Variants in MLLT1 observed in about 807,000 individuals in gnomAD.
The protein encoded by MLLT1 is protein ENL.
A neutral mutation model predicts 55.1 loss-of-function variants in MLLT1; 11 were observed. The observed-to-expected ratio is 0.20, with a 90% CI of 0.13 to 0.33. The LOEUF is 0.33. Ranked by LOEUF, MLLT1 falls within the 10% of genes least tolerant of loss-of-function variation. The probability of loss-of-function intolerance (pLI) is 1.00; values close to 1 mark genes in which losing one functional copy is unlikely to be tolerated. For missense variants in MLLT1, 536 were observed against 760.6 expected (o/e 0.70, Z 3.47); for synonymous variants, 323 against 320.1 (o/e 1.01, Z -0.10).
chr19:6,270,773 A>G lies in MLLT1; in HGVS notation c.13-14T>C. On this transcript the variant is annotated splice_polypyrimidine_tract_variant and intron_variant, in intron 1 of 11. Transcript: ENST00000252674. This position sits in a 1 kb window ranked among gnomAD's most constrained non-coding sequence, Gnocchi z 7.1. ...CTGGACGGTGCACTGGAGGAGAGAG[A>G]GGTGGGGAGATGAAGTCAGCACACG... 1 of 1,589,342 alleles carries G rather than the reference A, an allele frequency of 6.3e-7. No homozygotes were observed. Among genetic ancestry groups the G allele is most frequent in the Non-Finnish European group, 8.6e-7 (1 of 1,164,444 alleles).
In MLLT1 at chr19:6,262,539, C is replaced by T. The variant is rs577430481; in HGVS notation, c.194-229G>A. Among the ~76,000 whole-genome samples, 22 of 152,254 alleles carry T rather than the reference C, an allele frequency of 1.4e-4. No individual in the cohort carries two copies. Among genetic ancestry groups the T allele is most frequent in the African/African-American group, 4.3e-4 (18 of 41,546 alleles). On this transcript the variant is annotated intron_variant, in intron 2 of 11. Transcript: ENST00000252674. The surrounding 1 kb of genome is among the most constrained non-coding windows in gnomAD (Gnocchi z 4.4). ...AAGAGGAGAAAGGAGACTTGGCCAC[C>T]GGCATGGTCAGCAGAGAGTGAGAAG...
rs1043543006 is a variant in MLLT1 at position 6,235,480 on chromosome 19, T to G, written c.277-4767A>C. Among the ~76,000 whole-genome samples the G allele has an allele frequency of 1.3e-5, 2 of 152,184 alleles. No homozygotes were observed. Among genetic ancestry groups the G allele is most frequent in the African/African-American group, 4.8e-5 (2 of 41,454 alleles). ...AGCAGCCTGGGCTAAGAAGGGCACC[T>G]GGGGAGGCGCAGCCAGACGGTACCA... is the stretch of plus-strand genomic sequence containing the variant. On this transcript the variant is annotated intron_variant, in intron 3 of 11. Transcript: ENST00000252674. This position sits in a 1 kb window ranked among gnomAD's most constrained non-coding sequence, Gnocchi z 5.5.
chr19:6,254,541 C>A (rs566160749), intron 3 of MLLT1, among the ~76,000 whole-genome samples: 1 of 152,204 alleles, frequency 6.6e-6, no homozygotes, highest in Non-Finnish European at 1.5e-5. Context: ...TGGGAGCTTG[C>A]GCTAACTCCA....
chr19:6,212,457 C>T lies in MLLT1; in HGVS notation c.*585G>A. On this transcript the variant is annotated 3_prime_UTR_variant, in exon 12 of 12. Coordinates refer to ENST00000252674, the MANE Select transcript of MLLT1 (RefSeq NM_005934.4). The stretch of plus-strand genomic sequence containing the variant: ...CTGCTGCCACAGAAACGCACATGGA[C>T]ACTGCTCTTGACCAGACAGTGCACA... The T allele has an allele frequency of 9.4e-7, 1 of 1,066,380 alleles. No homozygotes were observed. The highest frequency in any genetic ancestry group is 5.3e-5 in the Admixed American group (1 of 18,786). 66.1% of individuals were successfully genotyped at this position (1,066,380 alleles called of 1,614,324 possible).
rs1295129020 is a variant in MLLT1, at chr19:6,211,130, T to C, written c.*1912A>G. 4 of 232,512 alleles carry C rather than the reference T, an allele frequency of 1.7e-5. No individual in the cohort carries two copies. Among genetic ancestry groups the C allele is most frequent in the Non-Finnish European group, 3.4e-5 (4 of 117,620 alleles). 14.4% of individuals were successfully genotyped at this position (232,512 alleles called of 1,614,324 possible). A position where few individuals can be genotyped will look rare whatever the true frequency, so the allele number is the denominator to read the frequency against. On this transcript the variant is annotated 3_prime_UTR_variant, in exon 12 of 12. Coordinates refer to ENST00000252674, the MANE Select transcript of MLLT1 (RefSeq NM_005934.4). This position sits in a 1 kb window ranked among gnomAD's most constrained non-coding sequence, Gnocchi z 4.6. ...TGTCCGTGACCCCGGCGGCCTCTTG[T>C]GCGTAGAGCTCCCAGCAGCACGGGC...
At chr19:6,279,025 G>T (rs1288454247) in intron 1 of MLLT1, among the ~76,000 whole-genome samples, 1 of 152,090 alleles carries the variant, frequency 6.6e-6, no homozygotes, top group Non-Finnish European at 1.5e-5. Flanking sequence ...CTGGGGTTGG[G>T]AGAGAAAGGG....
intron 1 of MLLT1, among the ~76,000 whole-genome samples, chr19:6,272,057 T>C (rs952151167): frequency 1.3e-5 from 2 of 152,186 alleles, no homozygotes; most frequent in African/African-American, 4.8e-5. Flanking sequence ...ATGGAGCCGC[T>C]GGGGCAGGCA....
rs765489758 is a variant in MLLT1 at position 6,222,931 on chromosome 19, T to C, written c.547-247A>G. Among the ~76,000 whole-genome samples, 1 of 152,182 alleles carries C rather than the reference T, an allele frequency of 6.6e-6. No homozygotes were observed. The highest frequency in any genetic ancestry group is 1.5e-5 in the Non-Finnish European group (1 of 68,026). On this transcript the variant is annotated intron_variant, in intron 5 of 11. Coordinates refer to ENST00000252674, the MANE Select transcript of MLLT1 (RefSeq NM_005934.4). This position sits in a 1 kb window ranked among gnomAD's most constrained non-coding sequence, Gnocchi z 4.1. ...CTGCAGGCTAAGATTCCCCTCAGAA[T>C]TGAACTGACATTCCCTGAGGGATTC...
At chr19:6,264,913 A>AT (rs1491562198) in intron 2 of MLLT1, among the ~76,000 whole-genome samples, 1 of 147,166 alleles carries the variant, frequency 6.8e-6, no homozygotes, top group Non-Finnish European at 1.5e-5. Flanking sequence ...AAAAAAAAAA[A>AT]TGAGGATCCC....
intron 5 of MLLT1, among the ~76,000 whole-genome samples, chr19:6,224,025 G>A (rs957712402): frequency 9.9e-5 from 15 of 152,168 alleles, no homozygotes; most frequent in Admixed American, 9.2e-4. Context: ...GGGGGGCCAC[G>A]CTTCACAGAT....
At chr19:6,233,963 C>T (rs1042565897) in intron 3 of MLLT1, among the ~76,000 whole-genome samples, 2 of 152,226 alleles carry the variant, frequency 1.3e-5, no homozygotes, top group Non-Finnish European at 2.9e-5. Context: ...CCTGTCTTCC[C>T]CCGAGGTACG....
Position 6,230,735 on chromosome 19 carries a change from AG to A in MLLT1, c.277-23del, listed in dbSNP as rs772810889. The A allele has an allele frequency of 2.5e-6, 4 of 1,613,346 alleles. No individual in the cohort carries two copies. The South Asian group carries it at 4.4e-5, about 18-fold the overall frequency. ...CCTCCTGAAACAGAGAAAACAAGAA[AG>A]TCTGCATCAGAGGGTGGCCGTGGTG... On this transcript the variant is annotated intron_variant, in intron 3 of 11. Transcript: ENST00000252674. The surrounding 1 kb of genome is among the most constrained non-coding windows in gnomAD (Gnocchi z 9.0).
intron 3 of MLLT1, among the ~76,000 whole-genome samples, chr19:6,239,763 T>C (rs923691201): frequency 6.6e-6 from 1 of 151,520 alleles, no homozygotes; most frequent in African/African-American, 2.4e-5. Flanking sequence ...TATGTACATA[T>C]ACACACCCAC....
chr19:6,228,949 C>T (rs569303026), intron 4 of MLLT1, among the ~76,000 whole-genome samples: 26 of 152,296 alleles, frequency 1.7e-4, no homozygotes, highest in African/African-American at 5.5e-4. Flanking sequence ...GGCCCTTCCT[C>T]CCAGCCTTGC....
Position 6,222,230 on chromosome 19 carries a change from C to T in MLLT1, c.1001G>A (p.Ser334Asn), listed in dbSNP as rs1422013650. The change falls in exon 6 of 12, where the codon AGC becomes AAC. Residue 334 changes from serine to asparagine, a missense_variant. Ser to Asn is a conservative substitution (Grantham distance 46). Coordinates refer to ENST00000252674, the MANE Select transcript of MLLT1 (RefSeq NM_005934.4). This position sits in a 1 kb window ranked among gnomAD's most constrained non-coding sequence, Gnocchi z 4.1. ...CTTCACCTTCTCCCCTCTGGTGCTG[C>T]TCTTGTCCTTGGCCGGCTTCTTGTC... ...FSDKKPAKDK[S>N]STRGEKVKAE... The T allele has an allele frequency of 2.5e-6, 4 of 1,613,364 alleles. No homozygotes were observed. Among genetic ancestry groups the T allele is most frequent in the Non-Finnish European group, 2.5e-6 (3 of 1,179,802 alleles).
intron 3 of MLLT1, among the ~76,000 whole-genome samples, chr19:6,252,568 G>A (rs1452022623): frequency 1.3e-5 from 2 of 152,166 alleles, no homozygotes; most frequent in Non-Finnish European, 2.9e-5. Flanking sequence ...CGAAACATAT[G>A]GAATACAGTG....
chr19:6,230,831 G>A lies in MLLT1; in HGVS notation c.277-118C>T, dbSNP rs1423760651. 10 of 1,303,588 alleles carry A rather than the reference G, an allele frequency of 7.7e-6. No individual in the cohort carries two copies. In the East Asian group the frequency reaches 9.3e-5, roughly 12 times the overall value. 80.8% of individuals were successfully genotyped at this position (1,303,588 alleles called of 1,614,324 possible). On this transcript the variant is annotated intron_variant, in intron 3 of 11. Transcript: ENST00000252674. The surrounding 1 kb of genome is among the most constrained non-coding windows in gnomAD (Gnocchi z 9.0). ...ACTGGGCCTCTGTTCCCCTCCCTCC[G>A]ATTTGCGCCCACTTCTCTCTCAGGG...
Position 6,211,445 on chromosome 19 carries a change from C to T in MLLT1, c.*1597G>A. On this transcript the variant is annotated 3_prime_UTR_variant, in exon 12 of 12. Transcript: ENST00000252674. This position sits in a 1 kb window ranked among gnomAD's most constrained non-coding sequence, Gnocchi z 4.6. The stretch of plus-strand genomic sequence containing the variant: ...GGGGGCAGCCTTGGAGGCATGGGTC[C>T]CCACCAAGGAGTGTTCAGGATCTGC... 3.2e-6 allele frequency: 1 copy of T among 312,284 alleles called. No homozygotes were observed. Among genetic ancestry groups the T allele is most frequent in the Non-Finnish European group, 5.2e-6 (1 of 190,700 alleles). 19.3% of individuals were successfully genotyped at this position (312,284 alleles called of 1,614,324 possible).
intron 3 of MLLT1, among the ~76,000 whole-genome samples, chr19:6,260,250 C>T (rs1003051538): frequency 2.6e-5 from 4 of 152,142 alleles, no homozygotes; most frequent in African/African-American, 4.8e-5. Flanking sequence ...AAAGGGCCCC[C>T]GGCTCCCTTT....
Sources: gnomAD v4.1 joint callset for allele counts (sites outside exome capture counted in the v4.1 genomes callset) on GRCh38, gnomAD v4.1.1 for gene constraint, Gnocchi (gnomAD v3.1) non-coding constraint, MANE v1.5 for transcripts, NCBI Gene and HGNC (gene_info 2026-07-23, HGNC 2026-07-21) for gene names.